Variants in SOX5 observed in about 807,000 individuals in gnomAD.
SOX5 encodes transcription factor SOX-5.
In SOX5, 9 loss-of-function variants were observed where a neutral mutation model predicts 92.0. The observed-to-expected ratio is 0.10, with a 90% CI of 0.06 to 0.17. The LOEUF (loss-of-function observed/expected upper bound fraction) is 0.17, where lower values mean the gene tolerates loss of function less well. Ranked by LOEUF, SOX5 falls within the 10% of genes least tolerant of loss-of-function variation. The probability of loss-of-function intolerance (pLI) is 1.00; values close to 1 mark genes in which losing one functional copy is unlikely to be tolerated. For missense variants in SOX5, 642 were observed against 944.5 expected (o/e 0.68, Z 4.20); for synonymous variants, 344 against 336.3 (o/e 1.02, Z -0.25).
chr12:23,899,805 A>C (rs1424166781), intron 1 of SOX5, among the ~76,000 whole-genome samples: 3 of 152,224 alleles, frequency 2.0e-5, no homozygotes, highest in African/African-American at 7.2e-5. Context: ...ACACTTATTT[A>C]ATGGGAATAA....
chr12:23,758,854 ATTC>A (rs2094482184), intron 3 of SOX5, among the ~76,000 whole-genome samples: 1 of 151,984 alleles, frequency 6.6e-6, no homozygotes, highest in Admixed American at 6.6e-5. Context: ...GCACTCCCTT[ATTC>A]TTCTGCTTTC....
chr12:24,030,700 A>G (rs1465844471), intron 4 of SOX5, among the ~76,000 whole-genome samples: 5 of 151,980 alleles, frequency 3.3e-5, no homozygotes, highest in Non-Finnish European at 7.4e-5. Flanking sequence ...ATGGGATTAT[A>G]TCAAACTAAA....
intron 8 of SOX5, among the ~76,000 whole-genome samples, chr12:23,605,724 CT>C (rs531674882): frequency 8.4e-4 from 128 of 151,784 alleles, no homozygotes; most frequent in African/African-American, 3.0e-3. Context: ...GTGTCTCTCT[CT>C]AAATAAAATA....
intron 3 of SOX5, among the ~76,000 whole-genome samples, chr12:23,800,493 G>A (rs1430162170): frequency 6.6e-6 from 1 of 152,006 alleles, no homozygotes; most frequent in Non-Finnish European, 1.5e-5. Flanking sequence ...ACTAGTGAGA[G>A]ACGGTAATAT....
chr12:24,113,701 G>C (rs1031090816), intron 4 of SOX5, among the ~76,000 whole-genome samples: 1 of 152,080 alleles, frequency 6.6e-6, no homozygotes, highest in African/African-American at 2.4e-5. Flanking sequence ...ACAATGAAAG[G>C]GGCAAGAGAA....
intron 4 of SOX5, among the ~76,000 whole-genome samples, chr12:24,186,995 A>C (rs1263445477): frequency 6.6e-6 from 1 of 152,200 alleles, no homozygotes; most frequent in Non-Finnish European, 1.5e-5. Context: ...TAGAACCATC[A>C]AAACTTGGAA....
At chr12:24,141,420 A>G (rs1298945420) in intron 4 of SOX5, among the ~76,000 whole-genome samples, 1 of 152,212 alleles carries the variant, frequency 6.6e-6, no homozygotes, top group East Asian at 1.9e-4. Flanking sequence ...TCACAGTTCA[A>G]TATGTACATA....
intron 2 of SOX5, among the ~76,000 whole-genome samples, chr12:24,298,057 C>T (rs955302818): frequency 1.3e-5 from 2 of 152,090 alleles, no homozygotes; most frequent in African/African-American, 4.8e-5. Context: ...TGTTCTTATT[C>T]CCCAAAAGTG....
intron 1 of SOX5, among the ~76,000 whole-genome samples, chr12:24,431,698 A>C (rs1265924684): frequency 6.6e-6 from 1 of 152,216 alleles, no homozygotes; most frequent in East Asian, 1.9e-4. Context: ...ACCAGTGAGC[A>C]CATTTCTTAT....
chr12:23,537,475 C>A (rs1433365581), intron 13 of SOX5, among the ~76,000 whole-genome samples: 1 of 152,116 alleles, frequency 6.6e-6, no homozygotes, highest in East Asian at 1.9e-4. Flanking sequence ...CTACATATGG[C>A]CACCTACTAT....
chr12:23,551,522 C>A (rs1260177307), intron 11 of SOX5, among the ~76,000 whole-genome samples: 1 of 151,890 alleles, frequency 6.6e-6, no homozygotes, highest in Admixed American at 6.6e-5. Context: ...TACACACTCA[C>A]ACAAATACAC....
At chr12:24,327,574 C>T (rs1950852994) in intron 2 of SOX5, among the ~76,000 whole-genome samples, 1 of 151,276 alleles carries the variant, frequency 6.6e-6, no homozygotes, top group African/African-American at 2.4e-5. Context: ...TGCCACCATG[C>T]CCAGCTAATT....
At chr12:24,012,952 T>C (rs951613147) in intron 4 of SOX5, among the ~76,000 whole-genome samples, 2 of 152,198 alleles carry the variant, frequency 1.3e-5, no homozygotes, top group Non-Finnish European at 2.9e-5. Context: ...GATAAGTAGC[T>C]ATTGCCATCT....
chr12:24,121,885 CAAAAAAA>C (rs900951883), intron 4 of SOX5, among the ~76,000 whole-genome samples: 8 of 48,260 alleles, frequency 1.7e-4, no homozygotes, highest in South Asian at 1.2e-3. Context: ...GACTCTATCT[CAAAAAAA>C]AAAAAAAAAA....
chr12:24,296,624 T>A (rs937172980), intron 2 of SOX5, among the ~76,000 whole-genome samples: 3 of 152,196 alleles, frequency 2.0e-5, no homozygotes, highest in Non-Finnish European at 4.4e-5. Flanking sequence ...AATGGTTGTG[T>A]CTTTCTCGCT....
upstream of SOX5, among the ~76,000 whole-genome samples, chr12:23,953,190 C>T (rs376258401): frequency 8.7e-4 from 132 of 152,140 alleles, 1 homozygote; most frequent in Middle Eastern, 3.4e-3. Context: ...AAAGGAAAGA[C>T]TGTTCCAAAA....
At chr12:24,310,007 T>C (rs909178738) in intron 2 of SOX5, among the ~76,000 whole-genome samples, 10 of 152,146 alleles carry the variant, frequency 6.6e-5, no homozygotes, top group African/African-American at 2.4e-4. Context: ...TCAAATATTA[T>C]AAGGTAACTC....
At chr12:23,665,725 A>T (rs2083685687) in intron 6 of SOX5, among the ~76,000 whole-genome samples, 161 bp from the exon 7 acceptor site, 2 of 152,326 alleles carry the variant, frequency 1.3e-5, no homozygotes, top group South Asian at 4.1e-4. Flanking sequence ...CTTTGGGACT[A>T]CCTTAAACAG....
chr12:23,973,232 G>C (rs150529904), intron 4 of SOX5, among the ~76,000 whole-genome samples: 1,457 of 144,686 alleles, frequency 0.01, 33 homozygotes, highest in African/African-American at 0.035. Flanking sequence ...TGTGATCTCA[G>C]CTCACTGCAA....
Sources: allele counts gnomAD v4.1 joint callset (sites outside exome capture counted in the v4.1 genomes callset), GRCh38; gene constraint gnomAD v4.1.1; transcripts MANE v1.5; gene names NCBI Gene and HGNC (gene_info 2026-07-23, HGNC 2026-07-21).